The following TEX11 variants were observed in gnomAD, a reference collection of about 807,000 sequenced individuals.
TEX11 encodes the protein testis-expressed protein 11.
In TEX11, 7 loss-of-function variants were observed where a neutral mutation model predicts 84.4. The ratio of observed to expected loss-of-function variants is 0.08; its 90% CI spans 0.05 to 0.16. TEX11 has a LOEUF of 0.16. Among genes scored for constraint, TEX11 ranks in the 10% least tolerant of loss-of-function variants. The probability of loss-of-function intolerance (pLI) is 1.00; values close to 1 mark genes in which losing one functional copy is unlikely to be tolerated. For missense variants in TEX11, 551 were observed against 660.5 expected (o/e 0.83, Z 1.82); for synonymous variants, 264 against 222.8 (o/e 1.18, Z -1.64).
chrX:70,880,057 T>C lies in TEX11; in HGVS notation c.90A>G (p.Ala30=), dbSNP rs756127986. 7 of 1,180,451 alleles carry C rather than the reference T, an allele frequency of 5.9e-6. No individual in the cohort carries two copies. The highest frequency in any genetic ancestry group is 8.0e-6 in the Non-Finnish European group (7 of 870,405). ...CTATGTCGCTGAAGAGTCTATCAAT[T>C]GCCTCTGGTATGTTAGGTGAATTAT... ...TNDNSPNIPE[A]IDRLFSDIAN... Residue 30 remains alanine (A), a synonymous_variant, in exon 3 of 30, where the codon GCA becomes GCG. Coordinates refer to ENST00000374333, the MANE Select transcript of TEX11 (RefSeq NM_031276.3).
At chrX:70,753,465 G>A (rs2090844813) in intron 9 of TEX11, among the ~76,000 whole-genome samples, 1 of 72,514 alleles carries the variant, frequency 1.4e-5, no homozygotes, top group Non-Finnish European at 3.1e-5. Flanking sequence ...CCTAGCTCCT[G>A]AACATTTTTC....
intron 13 of TEX11, among the ~76,000 whole-genome samples, chrX:70,711,409 T>A (rs1353865668): frequency 3.6e-4 from 40 of 109,662 alleles, no homozygotes; most frequent in Admixed American, 2.7e-3. Context: ...CCACCAACAG[T>A]GTAAAAGTGT....
chrX:70,907,148 G>C (rs1213044650), intron 2 of TEX11, among the ~76,000 whole-genome samples: 2 of 111,613 alleles, frequency 1.8e-5, no homozygotes, highest in African/African-American at 6.5e-5. Context: ...TTATGGAAAG[G>C]AACTCCAAGA....
At chrX:70,795,157 C>G (rs1276108377) in intron 9 of TEX11, among the ~76,000 whole-genome samples, 2 of 109,217 alleles carry the variant, frequency 1.8e-5, no homozygotes, top group East Asian at 2.9e-4. Context: ...GACTGAAGAG[C>G]CCTTGGGCCT....
At chrX:70,779,169 C>T (rs1050972076) in intron 9 of TEX11, among the ~76,000 whole-genome samples, 2 of 111,165 alleles carry the variant, frequency 1.8e-5, no homozygotes, top group Non-Finnish European at 3.8e-5. Context: ...GTAATCCCAG[C>T]ACTTTGGGAG....
chrX:70,649,670 A>T (rs1206785940), intron 17 of TEX11, among the ~76,000 whole-genome samples: 1 of 111,880 alleles, frequency 8.9e-6, no homozygotes, highest in Non-Finnish European at 1.9e-5. Context: ...GCTATTCAGG[A>T]GGCTGAGGCA....
chrX:70,896,887 G>A (rs1484601432), intron 2 of TEX11, among the ~76,000 whole-genome samples: 1 of 108,915 alleles, frequency 9.2e-6, no homozygotes, highest in Non-Finnish European at 1.9e-5. Context: ...GGGCCAAAGG[G>A]AGGGAGAGCC....
intron 22 of TEX11, 78 bp from the exon 23 acceptor site, chrX:70,607,107 G>A: frequency 1.4e-6 from 1 of 737,925 alleles, no homozygotes; most frequent in African/African-American, 2.1e-5. Context: ...TACAATTTCT[G>A]ATACTTACAC....
Position 70,682,837 on chromosome X carries a change from G to A in TEX11, c.1005-12C>T. The A allele has an allele frequency of 8.3e-7, 1 of 1,202,147 alleles. No individual in the cohort carries two copies. Among genetic ancestry groups the A allele is most frequent in the Non-Finnish European group, 1.1e-6 (1 of 891,003 alleles). On this transcript the variant is annotated splice_polypyrimidine_tract_variant and intron_variant, in intron 13 of 29. Transcript: ENST00000374333. ...ACCCAACAGATTCTCTGTACAATGA[G>A]ACACAATTTTAAGCAATGCGAACAG...
intron 13 of TEX11, among the ~76,000 whole-genome samples, chrX:70,700,771 G>A (rs1353294607): frequency 8.9e-6 from 1 of 112,144 alleles, no homozygotes; most frequent in Non-Finnish European, 1.9e-5. Context: ...GCCAAATTGC[G>A]ACTGCAAACA....
chrX:70,684,238 TA>T lies in TEX11; in HGVS notation c.1005-1414del, dbSNP rs756397831. On this transcript the variant is annotated intron_variant, in intron 13 of 29. Coordinates refer to ENST00000374333, the MANE Select transcript of TEX11 (RefSeq NM_031276.3). ...CAGAAGCGTTTCTTTGTGCCAACAA[TA>T]AAATATCCAAAAAGGAAATCAAGAA... 4.7e-4 allele frequency among the ~76,000 whole-genome samples: 53 copies of T among 112,141 alleles called. 2 individuals carry two copies. The South Asian group carries it at 0.019, about 40-fold the overall frequency.
At chrX:70,599,527 T>A (rs980800151) in intron 24 of TEX11, among the ~76,000 whole-genome samples, 3 of 111,429 alleles carry the variant, frequency 2.7e-5, no homozygotes, top group African/African-American at 9.8e-5. Flanking sequence ...TTCTTTTTTT[T>A]TTATTATTAT....
At chrX:70,575,764 T>C (rs942444503) in intron 25 of TEX11, among the ~76,000 whole-genome samples, 5 of 112,033 alleles carry the variant, frequency 4.5e-5, no homozygotes, top group Non-Finnish European at 9.4e-5. Flanking sequence ...AACCCCTGAA[T>C]AAGAGATAAT....
chrX:70,876,181 A>G (rs914986655), intron 3 of TEX11, among the ~76,000 whole-genome samples: 1 of 112,273 alleles, frequency 8.9e-6, no homozygotes, highest in African/African-American at 3.2e-5. Context: ...AACAGAGCAA[A>G]TTGCCTTTTA....
intron 8 of TEX11, among the ~76,000 whole-genome samples, chrX:70,819,823 C>T (rs1318853429): frequency 9.0e-6 from 1 of 111,548 alleles, no homozygotes; most frequent in Non-Finnish European, 1.9e-5. Context: ...AATCCACTTA[C>T]AATAACAACA....
chrX:70,772,375 G>C (rs2090976816), intron 9 of TEX11, among the ~76,000 whole-genome samples: 1 of 111,014 alleles, frequency 9.0e-6, no homozygotes, highest in Non-Finnish European at 1.9e-5. Flanking sequence ...AGGAATTCAA[G>C]ACCAGCCTGG....
At chrX:70,843,404 T>C (rs1239998517) in intron 7 of TEX11, among the ~76,000 whole-genome samples, 14 of 111,845 alleles carry the variant, frequency 1.3e-4, no homozygotes, top group African/African-American at 3.9e-4. Flanking sequence ...TGGCTAGCCA[T>C]ATGTAGAAAG....
intron 15 of TEX11, among the ~76,000 whole-genome samples, chrX:70,674,064 C>G (rs769586429): frequency 1.8e-5 from 2 of 111,611 alleles, no homozygotes; most frequent in Non-Finnish European, 3.8e-5. Flanking sequence ...CCTCCACCCT[C>G]AAGTAGACAC....
In TEX11 at chrX:70,666,124, T is replaced by A. The variant is rs140462015; in HGVS notation, c.1380+4253A>T. 5.0e-3 allele frequency among the ~76,000 whole-genome samples: 562 copies of A among 111,769 alleles called. 15 individuals are homozygous for A. The East Asian group carries it at 0.11, about 22-fold the overall frequency. ...CTCAAGGAGGTGACTGACAGTCCAA[T>A]AGATGACTAAGGCAGGTATAGAAAT... is the stretch of plus-strand genomic sequence containing the variant. On this transcript the variant is annotated intron_variant, in intron 16 of 29. Transcript: ENST00000374333.
Sources: allele counts gnomAD v4.1 joint callset (sites outside exome capture counted in the v4.1 genomes callset), GRCh38; gene constraint gnomAD v4.1.1; transcripts MANE v1.5; gene names NCBI Gene and HGNC (gene_info 2026-07-23, HGNC 2026-07-21).